IL12A: variants seen among roughly 807,000 people sequenced by gnomAD.
The protein encoded by IL12A is interleukin-12 subunit alpha.
IL12A carries 16 observed loss-of-function variants against 23.5 expected under a neutral mutation model. That is an observed-to-expected ratio of 0.68 (90% CI 0.46 to 1.03). The LOEUF (loss-of-function observed/expected upper bound fraction) is 1.03, where lower values mean the gene tolerates loss of function less well. Ranked by LOEUF, IL12A falls within the 50% of genes least tolerant of loss-of-function variation. The pLI is 0.00. For missense variants in IL12A, 275 were observed against 307.0 expected (o/e 0.90, Z 0.78); for synonymous variants, 106 against 111.5 (o/e 0.95, Z 0.31).
Position 159,993,720 on chromosome 3 carries a change from T to C in IL12A, c.482T>C (p.Ile161Thr). 4 of 1,614,154 alleles carry C rather than the reference T, an allele frequency of 2.5e-6. No homozygotes were observed. The highest frequency in any genetic ancestry group is 3.4e-6 in the Non-Finnish European group (4 of 1,180,006). The change falls in exon 6 of 7, where the codon ATT (isoleucine) becomes ACT (threonine). Residue 161 changes from isoleucine to threonine, a missense_variant. By Grantham distance (89) the Ile-to-Thr change is moderately conservative. Coordinates refer to ENST00000305579, the MANE Select transcript of IL12A (RefSeq NM_000882.4). The stretch of plus-strand genomic sequence containing the variant: ...ACCCAGGCCCTGTGCCTTAGTAGTA[T>C]TTATGAAGACTTGAAGATGTACCAG...
intron 1 of IL12A, among the ~76,000 whole-genome samples, chr3:159,989,650 G>A (rs1335642441): frequency 1.3e-5 from 2 of 152,216 alleles, no homozygotes; most frequent in African/African-American, 2.4e-5. Flanking sequence ...GAGTGTGGTG[G>A]TGGGTGCCTG....
At chr3:159,991,924 C>A (rs1383546559) in intron 2 of IL12A, among the ~76,000 whole-genome samples, 1 of 152,208 alleles carries the variant, frequency 6.6e-6, no homozygotes, top group East Asian at 1.9e-4. Context: ...CCCAGATAAT[C>A]CAGGATCATC....
At chr3:159,989,732 A>G (rs647801) in intron 1 of IL12A, among the ~76,000 whole-genome samples, 87,683 of 152,030 alleles carry the variant, frequency 0.58, 25,662 homozygotes, top group African/African-American at 0.67. Context: ...GCAGTGAGCC[A>G]AAATCGTGCC....
At position 159,990,408 on chromosome 3, in the gene IL12A, A is replaced by T. The variant is rs1720261926; in HGVS notation, c.264+96A>T. 2.3e-6 allele frequency: 3 copies of T among 1,310,548 alleles called. No individual in the cohort carries two copies. In the East Asian group the frequency reaches 7.0e-5, roughly 31 times the overall value. The allele number at this position is 1,310,548 out of a possible 1,614,324, so 81.2% of individuals were successfully genotyped here. The stretch of plus-strand genomic sequence containing the variant: ...CTGGTACCTGATGGAACTGCAGAGA[A>T]ATTGTGGAAGTTCATTAGCAGCTGT... On this transcript the variant is annotated intron_variant, in intron 2 of 6. Coordinates refer to ENST00000305579, the MANE Select transcript of IL12A (RefSeq NM_000882.4).
In IL12A at chr3:159,995,481, G is replaced by T. The variant is rs1441889902; in HGVS notation, c.684G>T (p.Lys228Asn). 6.2e-7 allele frequency: 1 copy of T among 1,607,104 alleles called. No individual in the cohort carries two copies. The highest frequency in any genetic ancestry group is 1.3e-5 in the African/African-American group (1 of 74,548). ...CGGATTTTTATAAAACTAAAATCAA[G>T]CTCTGCATACTTCTTCATGCTTTCA... The change falls in exon 7 of 7, where the codon AAG becomes AAT. Residue 228 changes from lysine to asparagine, a missense_variant. Physicochemically the swap from Lys to Asn is moderately conservative, Grantham distance 94. Coordinates refer to ENST00000305579, the MANE Select transcript of IL12A (RefSeq NM_000882.4).
At chr3:159,993,913 A>C in intron 6 of IL12A, 69 bp downstream of exon 6, 1 of 1,535,272 alleles carries the variant, frequency 6.5e-7, no homozygotes, top group East Asian at 2.2e-5. Context: ...GTCTTTGATA[A>C]AGAGATATAA....
chr3:159,993,691 T>C lies in IL12A; in HGVS notation c.463-10T>C, dbSNP rs773368346. On this transcript the variant is annotated splice_polypyrimidine_tract_variant and intron_variant, in intron 5 of 6. Coordinates refer to ENST00000305579, the MANE Select transcript of IL12A (RefSeq NM_000882.4). ...CAATGGATACTTCCCCATCTTGTCA[T>C]GTCACCCAGGCCCTGTGCCTTAGTA... is the stretch of plus-strand genomic sequence containing the variant. The C allele has an allele frequency of 1.2e-6, 2 of 1,614,182 alleles. No individual in the cohort carries two copies. The highest frequency in any genetic ancestry group is 2.2e-5 in the South Asian group (2 of 91,076).
In IL12A at chr3:159,993,724, T is replaced by C. The variant is rs757237511; in HGVS notation, c.486T>C (p.Tyr162=). 6.1e-5 allele frequency: 99 copies of C among 1,614,036 alleles called. No homozygotes were observed. The Middle Eastern group carries it at 9.9e-4, about 16-fold the overall frequency. The change falls in exon 6 of 7, where the codon TAT becomes TAC. Residue 162 remains tyrosine (Y), a synonymous_variant. Coordinates refer to ENST00000305579, the MANE Select transcript of IL12A (RefSeq NM_000882.4). ...AGGCCCTGTGCCTTAGTAGTATTTA[T>C]GAAGACTTGAAGATGTACCAGGTGG...
rs202186174 is a variant in IL12A, at chr3:159,993,288, G to GT, written c.379-155dup. 442 of 737,960 alleles carry GT rather than the reference G, an allele frequency of 6.0e-4. 2 individuals carry two copies. Among genetic ancestry groups the GT allele is most frequent in the African/African-American group, 4.7e-3 (260 of 55,902 alleles). 45.7% of individuals were successfully genotyped at this position (737,960 alleles called of 1,614,324 possible). On this transcript the variant is annotated intron_variant, in intron 3 of 6. Coordinates refer to ENST00000305579, the MANE Select transcript of IL12A (RefSeq NM_000882.4). Reference sequence around the variant, plus strand: ...GGAGAAAAATTATTTTTAAAAAATGGTTTTTTTTGCAACAATGTGAATACA... The same window carrying GT: ...GGAGAAAAATTATTTTTAAAAAATGGTTTTTTTTTGCAACAATGTGAATACA...
chr3:159,989,449 C>G (rs56098462), intron 1 of IL12A, among the ~76,000 whole-genome samples: 8 of 152,152 alleles, frequency 5.3e-5, no homozygotes, highest in Non-Finnish European at 4.4e-5. Context: ...TGCCTAGGGT[C>G]CCTCAGCTAC....
At position 159,989,187 on chromosome 3, in the gene IL12A, C is replaced by T; in HGVS notation, c.118+13C>T. Reference sequence around the variant, plus strand: ...TGTCCAGCGCGCAGTGAGTACTCAGCCCGCCAGGTCTTTGGCTCGCTCGGG... The same window carrying T: ...TGTCCAGCGCGCAGTGAGTACTCAGTCCGCCAGGTCTTTGGCTCGCTCGGG... On this transcript the variant is annotated intron_variant, in intron 1 of 6. Transcript: ENST00000305579. The T allele has an allele frequency of 6.2e-7, 1 of 1,603,438 alleles. No homozygotes were observed. Among genetic ancestry groups the T allele is most frequent in the Middle Eastern group, 2.0e-4 (1 of 5,118 alleles).
chr3:159,989,993 G>A (rs916564031), intron 1 of IL12A, among the ~76,000 whole-genome samples, 174 bp from the exon 2 acceptor site: 11 of 152,228 alleles, frequency 7.2e-5, no homozygotes, highest in African/African-American at 2.4e-4. Flanking sequence ...ATAGAGTGGC[G>A]CTTTGTAATA....
At chr3:159,991,814 C>G (rs1216847787) in intron 2 of IL12A, among the ~76,000 whole-genome samples, 1 of 152,194 alleles carries the variant, frequency 6.6e-6, no homozygotes, top group Non-Finnish European at 1.5e-5. Context: ...CTTCCATTGT[C>G]CATACCAGCA....
chr3:159,993,529 GA>G (rs1337421707), intron 4 of IL12A, 37 bp downstream of exon 4: 1 of 1,613,628 alleles, frequency 6.2e-7, no homozygotes, highest in East Asian at 2.2e-5. Context: ...CCTGTATGAT[GA>G]ATTCATATCA....
At chr3:159,989,306 A>G (rs939360229) in intron 1 of IL12A, 132 bp downstream of exon 1, 2 of 706,490 alleles carry the variant, frequency 2.8e-6, no homozygotes, top group Non-Finnish European at 4.9e-6. Context: ...GCAAAGAGGA[A>G]TAAGAATAGG....
intron 6 of IL12A, 83 bp from the exon 7 acceptor site, chr3:159,995,321 T>G: frequency 8.9e-7 from 1 of 1,127,744 alleles, no homozygotes; most frequent in Non-Finnish European, 1.3e-6. Context: ...CTCTGAGACA[T>G]GTACTGGCTT....
At chr3:159,994,579 CGTGTGTGTGTGTGTGT>C (rs60659167) in intron 6 of IL12A, among the ~76,000 whole-genome samples, 20 of 135,636 alleles carry the variant, frequency 1.5e-4, no homozygotes, top group Non-Finnish European at 3.3e-5. Flanking sequence ...TTATTCTTTT[CGTGTGTGTGTGTGTGT>C]GTGTGTGTGT....
Sources: gnomAD v4.1 joint callset for allele counts (sites outside exome capture counted in the v4.1 genomes callset) on GRCh38, gnomAD v4.1.1 for gene constraint, MANE v1.5 for transcripts, NCBI Gene and HGNC (gene_info 2026-07-23, HGNC 2026-07-21) for gene names.